The following ZBTB20 variants were observed in gnomAD, a reference collection of about 807,000 sequenced individuals.
The protein encoded by ZBTB20 is zinc finger and BTB domain-containing protein 20.
ZBTB20 carries 9 observed loss-of-function variants against 56.9 expected under a neutral mutation model. That is an observed-to-expected ratio of 0.16 (90% CI 0.10 to 0.28). The LOEUF is 0.28. Ranked by LOEUF, ZBTB20 falls within the 10% of genes least tolerant of loss-of-function variation. The pLI is 1.00. For synonymous variants in ZBTB20, 417 were observed against 420.7 expected, an observed-to-expected ratio of 0.99 and a Z score of 0.11; for missense variants, 655 against 1,003.0, an observed-to-expected ratio of 0.65 and a Z score of 4.69.
intron 2 of ZBTB20, among the ~76,000 whole-genome samples, chr3:115,044,801 G>A (rs1213134138): frequency 6.6e-6 from 1 of 152,148 alleles, no homozygotes; most frequent in Non-Finnish European, 1.5e-5. Flanking sequence ...CCCAAAATGG[G>A]CAGAATAACT....
chr3:115,138,325 T>C (rs1481406363), intron 1 of ZBTB20, among the ~76,000 whole-genome samples: 2 of 152,102 alleles, frequency 1.3e-5, no homozygotes, highest in Non-Finnish European at 2.9e-5. Context: ...TAGAGTCTAT[T>C]CATTGTACAA....
intron 4 of ZBTB20, among the ~76,000 whole-genome samples, chr3:114,807,023 C>T (rs530425080): frequency 4.6e-5 from 7 of 151,978 alleles, no homozygotes; most frequent in South Asian, 4.2e-4. Flanking sequence ...AGAAATTGTA[C>T]GTTATCTAAT....
chr3:114,479,321 T>A (rs1253425945), intron 7 of ZBTB20, among the ~76,000 whole-genome samples: 2 of 152,178 alleles, frequency 1.3e-5, no homozygotes, highest in East Asian at 3.8e-4. Context: ...ATGTAAATAA[T>A]AGAAGTATGT....
intron 2 of ZBTB20, among the ~76,000 whole-genome samples, chr3:115,049,262 C>T (rs1465027738): frequency 6.6e-6 from 1 of 152,066 alleles, no homozygotes; most frequent in Non-Finnish European, 1.5e-5. Flanking sequence ...CAGTGCCCAG[C>T]CTGTCTCTCC....
intron 5 of ZBTB20, among the ~76,000 whole-genome samples, chr3:114,698,711 A>G (rs180998865): frequency 6.6e-6 from 1 of 152,306 alleles, no homozygotes; most frequent in Admixed American, 6.5e-5. Context: ...GAGGTTATCC[A>G]AAGGAAAGAA....
At chr3:114,526,886 C>T (rs1305261449) in intron 6 of ZBTB20, among the ~76,000 whole-genome samples, 1 of 152,228 alleles carries the variant, frequency 6.6e-6, no homozygotes, top group Non-Finnish European at 1.5e-5. Flanking sequence ...AGTAGAACTA[C>T]TTGACAGAAT....
At chr3:114,341,991 C>T (rs2079813512) in intron 11 of ZBTB20, among the ~76,000 whole-genome samples, 1 of 152,146 alleles carries the variant, frequency 6.6e-6, no homozygotes, top group Admixed American at 6.5e-5. Context: ...TGGTATGTTA[C>T]TTAATAAAGA....
chr3:114,913,433 T>G (rs1254761540), intron 3 of ZBTB20, among the ~76,000 whole-genome samples: 2 of 152,062 alleles, frequency 1.3e-5, no homozygotes, highest in Non-Finnish European at 2.9e-5. Flanking sequence ...TTTGGATTAT[T>G]GGATTATTTT....
chr3:114,757,316 T>A (rs2068077802), intron 5 of ZBTB20, among the ~76,000 whole-genome samples: 1 of 152,162 alleles, frequency 6.6e-6, no homozygotes, highest in South Asian at 2.1e-4. Flanking sequence ...TTACCATACG[T>A]CAAAAAGGTG....
chr3:115,136,860 T>C (rs903058553), intron 1 of ZBTB20, among the ~76,000 whole-genome samples: 4 of 152,046 alleles, frequency 2.6e-5, no homozygotes, highest in Non-Finnish European at 5.9e-5. Context: ...AGAAAGATTA[T>C]TAAAAACATG....
chr3:114,347,160 T>A (rs1242621960), intron 11 of ZBTB20, among the ~76,000 whole-genome samples: 1 of 135,580 alleles, frequency 7.4e-6, no homozygotes, highest in African/African-American at 2.7e-5. Context: ...TCAAGTGATC[T>A]TCCCGCCTCA....
Position 114,398,203 on chromosome 3 carries a change from T to C in ZBTB20, c.-254-9098A>G, listed in dbSNP as rs76546326. Reference sequence around the variant, plus strand: ...ATAATGTTTTCTGCCACTTTTTAAGTACTTCAATAAATGGTTATGGTTTAC... The same window carrying C: ...ATAATGTTTTCTGCCACTTTTTAAGCACTTCAATAAATGGTTATGGTTTAC... On this transcript the variant is annotated intron_variant, in intron 7 of 11. Transcript: ENST00000675478. 5.5e-4 allele frequency among the ~76,000 whole-genome samples: 83 copies of C among 151,502 alleles called. 1 individual carries two copies. In the East Asian group the frequency reaches 0.015, roughly 28 times the overall value.
intron 6 of ZBTB20, among the ~76,000 whole-genome samples, chr3:114,668,008 C>T (rs1398005576): frequency 6.6e-6 from 1 of 151,956 alleles, no homozygotes; most frequent in Non-Finnish European, 1.5e-5. Flanking sequence ...TTTTGTGTTA[C>T]ATATTTTAAA....
chr3:114,589,155 G>A (rs998554112), intron 6 of ZBTB20, among the ~76,000 whole-genome samples: 3 of 152,190 alleles, frequency 2.0e-5, no homozygotes, highest in Non-Finnish European at 2.9e-5. Flanking sequence ...TGAGGACACA[G>A]CCAAACCATA....
chr3:114,464,148 C>G (rs977882337), intron 7 of ZBTB20, among the ~76,000 whole-genome samples: 4 of 152,154 alleles, frequency 2.6e-5, no homozygotes, highest in African/African-American at 9.7e-5. Flanking sequence ...TTCAAACTAT[C>G]TGCTGTTTAA....
intron 4 of ZBTB20, among the ~76,000 whole-genome samples, chr3:114,855,321 C>T (rs545911813): frequency 6.2e-4 from 94 of 152,192 alleles, no homozygotes; most frequent in Non-Finnish European, 1.0e-3. Flanking sequence ...AAAACAAAGA[C>T]AGAATGATGA....
chr3:114,899,389 G>A (rs1207444244), intron 4 of ZBTB20, among the ~76,000 whole-genome samples: 2 of 151,942 alleles, frequency 1.3e-5, no homozygotes, highest in Admixed American at 6.6e-5. Context: ...CTGCCAACAC[G>A]GTGAAATTGA....
At chr3:114,815,313 A>G (rs2072837467) in intron 4 of ZBTB20, among the ~76,000 whole-genome samples, 1 of 152,244 alleles carries the variant, frequency 6.6e-6, no homozygotes, top group Non-Finnish European at 1.5e-5. Flanking sequence ...TGACATGAAT[A>G]CATGCCCATT....
chr3:115,104,048 A>C (rs1487434047), intron 1 of ZBTB20, among the ~76,000 whole-genome samples: 1 of 152,244 alleles, frequency 6.6e-6, no homozygotes. Flanking sequence ...AGACTTTAAC[A>C]GTGACCTCAC....
Sources: allele counts gnomAD v4.1 joint callset (sites outside exome capture counted in the v4.1 genomes callset), GRCh38; gene constraint gnomAD v4.1.1; transcripts MANE v1.5; gene names NCBI Gene and HGNC (gene_info 2026-07-23, HGNC 2026-07-21).